DIAPH2: variants seen among roughly 807,000 people sequenced by gnomAD.
DIAPH2 encodes the protein protein diaphanous homolog 2.
In DIAPH2, 35 loss-of-function variants were observed where a neutral mutation model predicts 92.7. The ratio of observed to expected loss-of-function variants is 0.38; its 90% confidence interval spans 0.29 to 0.50. The LOEUF is 0.50. Among genes scored for constraint, DIAPH2 ranks in the 20% least tolerant of loss-of-function variants. The probability of loss-of-function intolerance (pLI) is 0.94; values close to 1 mark genes in which losing one functional copy is unlikely to be tolerated. For missense variants in DIAPH2, 701 were observed against 819.5 expected (o/e 0.86, Z 1.77); for synonymous variants, 301 against 280.4 (o/e 1.07, Z -0.73).
chrX:97,569,918 A>G (rs1948656675), intron 26 of DIAPH2, among the ~76,000 whole-genome samples: 1 of 104,646 alleles, frequency 9.6e-6, no homozygotes, highest in Non-Finnish European at 2.0e-5. Context: ...TAGACTATTT[A>G]TGACAAGTTA....
At chrX:97,140,809 C>T (rs1022771782) in intron 21 of DIAPH2, among the ~76,000 whole-genome samples, 1 of 111,518 alleles carries the variant, frequency 9.0e-6, no homozygotes, top group Non-Finnish European at 1.9e-5. Flanking sequence ...ACAGAGTAAT[C>T]CTTAAAGCTA....
intron 22 of DIAPH2, among the ~76,000 whole-genome samples, chrX:97,208,530 G>A (rs960082786): frequency 8.9e-6 from 1 of 111,837 alleles, no homozygotes; most frequent in Non-Finnish European, 1.9e-5. Flanking sequence ...TAGATAAGGA[G>A]TGCTTTTCTG....
At chrX:97,275,308 C>T (rs1188973149) in intron 23 of DIAPH2, among the ~76,000 whole-genome samples, 3 of 38,420 alleles carry the variant, frequency 7.8e-5, no homozygotes, top group Non-Finnish European at 1.4e-4. Context: ...GGGCGGCTGG[C>T]CCGGCGGGGG....
chrX:97,008,219 G>T (rs1372583071), intron 17 of DIAPH2, among the ~76,000 whole-genome samples: 1 of 108,590 alleles, frequency 9.2e-6, no homozygotes, highest in Admixed American at 1.0e-4. Flanking sequence ...GCATTCTTCA[G>T]TATGACATTG....
chrX:97,119,339 G>A (rs1434169157), intron 21 of DIAPH2, among the ~76,000 whole-genome samples: 1 of 111,258 alleles, frequency 9.0e-6, no homozygotes, highest in East Asian at 2.9e-4. Flanking sequence ...TCTCTCTTCT[G>A]GGGTCTAGGC....
rs574426834 is a variant in DIAPH2 at position 97,381,187 on chromosome X, A to G, written c.3010-2722A>G. On this transcript the variant is annotated intron_variant, in intron 24 of 26. Coordinates refer to ENST00000324765, the MANE Select transcript of DIAPH2 (RefSeq NM_006729.5). ...CATATTTTCCAGAAATAATAAATAC[A>G]TGGAGAATGCTACAGAAATAGCATG... Among the ~76,000 whole-genome samples, 405 of 111,667 alleles carry G rather than the reference A, an allele frequency of 3.6e-3. 1 individual carries two copies. The highest frequency in any genetic ancestry group is 0.013 in the African/African-American group (386 of 30,813).
chrX:97,485,788 G>A (rs1212281214), intron 26 of DIAPH2, among the ~76,000 whole-genome samples: 2 of 111,848 alleles, frequency 1.8e-5, no homozygotes, highest in African/African-American at 6.5e-5. Flanking sequence ...TCAAAATTCA[G>A]TGTCCTTTAA....
chrX:96,889,273 T>A (rs1372233939), intron 5 of DIAPH2, among the ~76,000 whole-genome samples: 2 of 111,471 alleles, frequency 1.8e-5, no homozygotes, highest in African/African-American at 6.5e-5. Context: ...ATGCATGTAG[T>A]TTTTGCAATA....
intron 26 of DIAPH2, among the ~76,000 whole-genome samples, chrX:97,573,143 G>C (rs1409077088): frequency 9.0e-6 from 1 of 110,685 alleles, no homozygotes; most frequent in Admixed American, 9.7e-5. Flanking sequence ...AAAATAATGG[G>C]GTCATTGAAG....
chrX:97,303,821 GGT>G (rs759891759), intron 23 of DIAPH2, among the ~76,000 whole-genome samples: 65 of 110,416 alleles, frequency 5.9e-4, no homozygotes, highest in African/African-American at 2.0e-3. Context: ...TTAGCCATGG[GGT>G]GTGTGTGTGT....
At chrX:97,534,085 A>G (rs1403407562) in intron 26 of DIAPH2, among the ~76,000 whole-genome samples, 1 of 82,685 alleles carries the variant, frequency 1.2e-5, no homozygotes, top group Non-Finnish European at 2.3e-5. Context: ...ATACATATAC[A>G]AAATTTCAGT....
intron 23 of DIAPH2, among the ~76,000 whole-genome samples, chrX:97,301,214 A>T (rs2068702839): frequency 9.3e-6 from 1 of 107,659 alleles, no homozygotes; most frequent in Non-Finnish European, 1.9e-5. Flanking sequence ...TATAAATTGG[A>T]TGTATACGTT....
At chrX:96,720,199 C>T (rs1348724616) in intron 1 of DIAPH2, among the ~76,000 whole-genome samples, 1 of 111,691 alleles carries the variant, frequency 9.0e-6, no homozygotes, top group Non-Finnish European at 1.9e-5. Context: ...AAACATTTTT[C>T]CTTCTAATTA....
At chrX:96,919,143 C>T (rs941985540) in intron 9 of DIAPH2, among the ~76,000 whole-genome samples, 2 of 112,158 alleles carry the variant, frequency 1.8e-5, no homozygotes, top group African/African-American at 6.5e-5. Flanking sequence ...ACTATCTTTA[C>T]CTAGATGGTT....
intron 23 of DIAPH2, among the ~76,000 whole-genome samples, chrX:97,329,776 G>A (rs1281146071): frequency 9.1e-6 from 1 of 109,693 alleles, no homozygotes; most frequent in Admixed American, 9.9e-5. Context: ...TAGTAACTCT[G>A]TGTAACACTT....
intron 26 of DIAPH2, chrX:97,533,133 A>G (rs1195853954): frequency 8.9e-6 from 1 of 112,008 alleles, no homozygotes; most frequent in East Asian, 2.8e-4. Flanking sequence ...ACATTTAGCC[A>G]CATTCATTTT....
chrX:97,085,932 C>A (rs1236355178), intron 19 of DIAPH2, among the ~76,000 whole-genome samples: 2 of 111,246 alleles, frequency 1.8e-5, no homozygotes, highest in Non-Finnish European at 3.8e-5. Context: ...TAGTATATGA[C>A]AGCAGGCAAA....
At chrX:97,529,852 A>G (rs915816447) in intron 26 of DIAPH2, among the ~76,000 whole-genome samples, 6 of 112,205 alleles carry the variant, frequency 5.3e-5, no homozygotes, top group Non-Finnish European at 1.1e-4. Flanking sequence ...AGAGATTTCT[A>G]CTTCTGAAAA....
At chrX:97,401,386 G>A (rs1482076571) in intron 25 of DIAPH2, among the ~76,000 whole-genome samples, 1 of 110,939 alleles carries the variant, frequency 9.0e-6, no homozygotes, top group Non-Finnish European at 1.9e-5. Flanking sequence ...ATTAGTCTCA[G>A]TTTCAAGTCA....
Sources: allele counts gnomAD v4.1 joint callset (sites outside exome capture counted in the v4.1 genomes callset), GRCh38; gene constraint gnomAD v4.1.1; transcripts MANE v1.5; gene names NCBI Gene and HGNC (gene_info 2026-07-23, HGNC 2026-07-21).